Variants in SCRN1 observed in about 807,000 individuals in gnomAD.
SCRN1 encodes secernin 1.
In SCRN1, 19 loss-of-function variants were observed where a neutral mutation model predicts 43.3. That is an observed-to-expected ratio of 0.44 (90% CI 0.31 to 0.64). The LOEUF (loss-of-function observed/expected upper bound fraction) is 0.64. Among genes scored for constraint, SCRN1 ranks in the 30% least tolerant of loss-of-function variants. SCRN1 has a pLI of 0.09. For synonymous variants in SCRN1, 183 were observed against 188.9 expected, an observed-to-expected ratio of 0.97 and a Z score of 0.26; for missense variants, 447 against 524.1, an observed-to-expected ratio of 0.85 and a Z score of 1.44.
chr7:29,987,148 C>T (rs1013854968), intron 1 of SCRN1, among the ~76,000 whole-genome samples: 1 of 152,310 alleles, frequency 6.6e-6, no homozygotes. Flanking sequence ...CTGCCTCCTG[C>T]CACCTTCTCC....
intron 6 of SCRN1, 103 bp from the exon 7 acceptor site, chr7:29,926,735 G>C: frequency 1.1e-6 from 1 of 891,630 alleles, no homozygotes; most frequent in Non-Finnish European, 1.7e-6. Flanking sequence ...CCAACTTATG[G>C]TGGGTGGTGG....
intron 3 of SCRN1, among the ~76,000 whole-genome samples, chr7:29,947,889 G>A (rs1787787327): frequency 6.6e-6 from 1 of 152,202 alleles, no homozygotes; most frequent in African/African-American, 2.4e-5. Context: ...AGGATACGGG[G>A]GAAGATGGCC....
rs1486285160 is a variant in SCRN1 at position 29,985,276 on chromosome 7, G to A, written c.-2+4366C>T. On this transcript the variant is annotated intron_variant, in intron 1 of 7. Coordinates refer to ENST00000242059, the MANE Select transcript of SCRN1 (RefSeq NM_014766.5). ...AAAAATTAGCCAGGCATGGTGGTGC[G>A]CACCTGTAATCCCAGCTACTCAGGA... is the stretch of plus-strand genomic sequence containing the variant. Among the ~76,000 whole-genome samples the A allele has an allele frequency of 4.2e-5, 6 of 143,764 alleles. 2 individuals carry two copies. The highest frequency in any genetic ancestry group is 1.6e-4 in the African/African-American group (6 of 37,834). The allele number at this position is 143,764 out of a possible 152,430, so 94.3% of individuals were successfully genotyped here. A position where few individuals can be genotyped will look rare whatever the true frequency, so the allele number is the denominator to read the frequency against.
At chr7:29,944,735 C>T (rs1034988217) in intron 3 of SCRN1, among the ~76,000 whole-genome samples, 30 of 151,790 alleles carry the variant, frequency 2.0e-4, no homozygotes, top group Admixed American at 1.9e-3. Context: ...TTGGTCATTT[C>T]CCTTCGACAC....
At chr7:29,939,982 T>G (rs1260316858) in intron 5 of SCRN1, among the ~76,000 whole-genome samples, 1 of 150,408 alleles carries the variant, frequency 6.6e-6, no homozygotes, top group Non-Finnish European at 1.5e-5. Flanking sequence ...AGACCCTGTC[T>G]CTACAAAAAA....
At chr7:29,972,487 C>T (rs1038830691) in intron 1 of SCRN1, among the ~76,000 whole-genome samples, 6 of 152,138 alleles carry the variant, frequency 3.9e-5, no homozygotes, top group East Asian at 1.9e-4. Context: ...TAATCTGGGT[C>T]GCATGATCAT....
chr7:29,959,081 CT>C (rs1788225453), intron 2 of SCRN1, among the ~76,000 whole-genome samples: 1 of 152,240 alleles, frequency 6.6e-6, no homozygotes, highest in Admixed American at 6.5e-5. Flanking sequence ...CATGCCGTCA[CT>C]TCACCCCATC....
intron 2 of SCRN1, among the ~76,000 whole-genome samples, chr7:29,960,821 G>A (rs971040109): frequency 6.6e-6 from 1 of 152,088 alleles, no homozygotes; most frequent in Non-Finnish European, 1.5e-5. Flanking sequence ...AAGTTGAGAT[G>A]AGTTCTCTGA....
At chr7:29,924,156 C>G in intron 7 of SCRN1, 41 bp from the exon 8 acceptor site, 3 of 1,582,456 alleles carry the variant, frequency 1.9e-6, no homozygotes, top group Non-Finnish European at 2.6e-6. Flanking sequence ...AGCAAAATAG[C>G]AGGGGACATT....
At chr7:29,956,761 A>C (rs1025690856) in intron 2 of SCRN1, among the ~76,000 whole-genome samples, 1 of 151,976 alleles carries the variant, frequency 6.6e-6, no homozygotes, top group Non-Finnish European at 1.5e-5. Flanking sequence ...TTTTCAAGAG[A>C]CTCTTGAATT....
rs534951429 is a variant in SCRN1 at position 29,949,183 on chromosome 7, C to A, written c.342-5004G>T. 1.1e-4 allele frequency among the ~76,000 whole-genome samples: 17 copies of A among 151,688 alleles called. No individual in the cohort carries two copies. The East Asian group carries it at 3.4e-3, about 30-fold the overall frequency. ...ACAAAAAATTAGCCGGGCATGGTGG[C>A]AGGCGCCTATAGTCCCAGCTACTCG... On this transcript the variant is annotated intron_variant, in intron 3 of 7. Transcript: ENST00000242059.
chr7:29,972,690 C>T (rs1788701419), intron 1 of SCRN1, among the ~76,000 whole-genome samples: 1 of 152,220 alleles, frequency 6.6e-6, no homozygotes, highest in African/African-American at 2.4e-5. Context: ...GCTAACAGTC[C>T]ATTAATTTTT....
At chr7:29,979,240 G>A (rs1341929967) in intron 1 of SCRN1, among the ~76,000 whole-genome samples, 1 of 152,220 alleles carries the variant, frequency 6.6e-6, no homozygotes, top group South Asian at 2.1e-4. Context: ...GCACGTGCCT[G>A]TAATCCCAGC....
At chr7:29,975,548 T>C (rs1254162013) in intron 1 of SCRN1, among the ~76,000 whole-genome samples, 1 of 152,246 alleles carries the variant, frequency 6.6e-6, no homozygotes, top group Admixed American at 6.5e-5. Flanking sequence ...AGAAAGCATG[T>C]ATGCATCTCA....
At chr7:29,931,362 A>G (rs1562802151) in intron 6 of SCRN1, among the ~76,000 whole-genome samples, 3 of 152,208 alleles carry the variant, frequency 2.0e-5, no homozygotes, top group African/African-American at 7.2e-5. Flanking sequence ...TGTTCTAGGT[A>G]CTAGGGATAC....
chr7:29,974,506 C>T (rs563027597), intron 1 of SCRN1, among the ~76,000 whole-genome samples: 3 of 152,112 alleles, frequency 2.0e-5, no homozygotes, highest in South Asian at 4.2e-4. Context: ...GAACCTGAGA[C>T]GAAACCCTTC....
At chr7:29,966,106 G>A (rs1326134164) in intron 2 of SCRN1, among the ~76,000 whole-genome samples, 3 of 147,948 alleles carry the variant, frequency 2.0e-5, no homozygotes, top group Non-Finnish European at 4.5e-5. Context: ...GAGAGAGAGA[G>A]GAACCAGAGA....
At chr7:29,943,847 A>G (rs1787637529) in intron 4 of SCRN1, 130 bp downstream of exon 4, 3 of 830,876 alleles carry the variant, frequency 3.6e-6, no homozygotes, top group Non-Finnish European at 5.9e-6. Flanking sequence ...ATGCCAAAGC[A>G]TGACAGTCCC....
intron 6 of SCRN1, among the ~76,000 whole-genome samples, chr7:29,931,598 CT>C (rs1412289306): frequency 6.6e-6 from 1 of 152,186 alleles, no homozygotes; most frequent in African/African-American, 2.4e-5. Flanking sequence ...AAATAAAATA[CT>C]TTTTATGCTT....
Sources: allele counts gnomAD v4.1 joint callset (sites outside exome capture counted in the v4.1 genomes callset), GRCh38; gene constraint gnomAD v4.1.1; transcripts MANE v1.5; gene names NCBI Gene and HGNC (gene_info 2026-07-23, HGNC 2026-07-21).